The following PCDH9 variants were observed in gnomAD, a reference collection of about 807,000 sequenced individuals.
PCDH9 encodes protocadherin-9.
PCDH9 carries 24 observed loss-of-function variants against 70.6 expected under a neutral mutation model. The ratio of observed to expected loss-of-function variants is 0.34; its 90% CI spans 0.25 to 0.48. The LOEUF (loss-of-function observed/expected upper bound fraction) is 0.48, where lower values mean the gene tolerates loss of function less well. Among genes scored for constraint, PCDH9 ranks in the 20% least tolerant of loss-of-function variants. PCDH9 has a pLI of 0.99. For missense variants in PCDH9, 1,281 were observed against 1,503.6 expected (o/e 0.85, Z 2.45); for synonymous variants, 562 against 558.5 (o/e 1.01, Z -0.09).
intron 4 of PCDH9, among the ~76,000 whole-genome samples, chr13:66,455,278 AT>A (rs2138438034): frequency 1.3e-5 from 2 of 151,574 alleles, no homozygotes; most frequent in East Asian, 3.9e-4. Context: ...TGTTATATAT[AT>A]ATTTATTATA....
chr13:66,460,019 T>C (rs1036600987), intron 4 of PCDH9, among the ~76,000 whole-genome samples: 8 of 151,894 alleles, frequency 5.3e-5, no homozygotes, highest in African/African-American at 1.9e-4. Flanking sequence ...AACAAGAAAC[T>C]AACATGAAAT....
At chr13:66,504,892 C>T (rs1415089806) in intron 4 of PCDH9, among the ~76,000 whole-genome samples, 1 of 152,164 alleles carries the variant, frequency 6.6e-6, no homozygotes, top group African/African-American at 2.4e-5. Context: ...ACAAATCACA[C>T]TCCTCAATGG....
At chr13:66,902,641 AT>A (rs1376772796) in intron 3 of PCDH9, among the ~76,000 whole-genome samples, 1 of 151,778 alleles carries the variant, frequency 6.6e-6, no homozygotes, top group Non-Finnish European at 1.5e-5. Flanking sequence ...CTGTAAAAAA[AT>A]ACGTGAAACA....
At chr13:66,739,938 A>G (rs959822579) in intron 3 of PCDH9, among the ~76,000 whole-genome samples, 13 of 150,274 alleles carry the variant, frequency 8.7e-5, no homozygotes, top group African/African-American at 3.2e-4. Context: ...TCAACGAGAC[A>G]GAAAGTCAAC....
intron 3 of PCDH9, among the ~76,000 whole-genome samples, chr13:66,764,478 G>A (rs9571655): frequency 0.078 from 11,900 of 151,918 alleles, 518 homozygotes; most frequent in East Asian, 0.14. Context: ...CTCAAAACAA[G>A]CATAGATCAT....
chr13:66,846,517 CTG>C (rs1401712198), intron 3 of PCDH9, among the ~76,000 whole-genome samples: 2 of 151,956 alleles, frequency 1.3e-5, no homozygotes, highest in Non-Finnish European at 2.9e-5. Flanking sequence ...TTTTTAAAAA[CTG>C]TATTTTTAGG....
chr13:66,770,629 T>C (rs2079792298), intron 3 of PCDH9, among the ~76,000 whole-genome samples: 1 of 152,162 alleles, frequency 6.6e-6, no homozygotes, highest in Admixed American at 6.5e-5. Flanking sequence ...AATACAAGTG[T>C]GAGTAATTAA....
chr13:66,341,952 CACTT>C (rs1291875891), intron 4 of PCDH9, among the ~76,000 whole-genome samples: 6 of 152,176 alleles, frequency 3.9e-5, no homozygotes, highest in African/African-American at 1.4e-4. Context: ...GTGTCCACCT[CACTT>C]AGATTGAAGT....
At chr13:66,713,965 C>T (rs1389279260) in intron 3 of PCDH9, among the ~76,000 whole-genome samples, 2 of 152,006 alleles carry the variant, frequency 1.3e-5, no homozygotes, top group African/African-American at 4.8e-5. Flanking sequence ...TTGAACCCTA[C>T]CCATTTCTTG....
At chr13:66,619,489 A>G (rs1406984960) in intron 4 of PCDH9, among the ~76,000 whole-genome samples, 2 of 152,154 alleles carry the variant, frequency 1.3e-5, no homozygotes, top group Non-Finnish European at 2.9e-5. Flanking sequence ...TTATAGTTCA[A>G]AATTCACCAT....
At chr13:66,558,252 G>T (rs796068182) in intron 4 of PCDH9, among the ~76,000 whole-genome samples, 6 of 152,272 alleles carry the variant, frequency 3.9e-5, no homozygotes, top group African/African-American at 1.4e-4. Context: ...TACATTGAAA[G>T]AAAGTATGTT....
In PCDH9 at chr13:66,492,891, G is replaced by A. The variant is rs1959055300; in HGVS notation, c.3340+138319C>T. 2.0e-5 allele frequency among the ~76,000 whole-genome samples: 3 copies of A among 152,108 alleles called. No individual in the cohort carries two copies. In the South Asian group the frequency reaches 6.2e-4, roughly 32 times the overall value. ...ATTAGATACATTGTTACAAAGAAAA[G>A]GTGAGCAAGCTGGAGCTAAGTGCGA... On this transcript the variant is annotated intron_variant, in intron 4 of 4. Transcript: ENST00000377865.
intron 3 of PCDH9, among the ~76,000 whole-genome samples, chr13:66,803,646 A>G (rs1185059800): frequency 6.6e-6 from 1 of 151,772 alleles, no homozygotes; most frequent in African/African-American, 2.4e-5. Flanking sequence ...CCTCTCCATT[A>G]CTCTAGGGTG....
At chr13:66,538,133 T>C (rs1960785256) in intron 4 of PCDH9, among the ~76,000 whole-genome samples, 1 of 152,116 alleles carries the variant, frequency 6.6e-6, no homozygotes. Flanking sequence ...ATACAAATGT[T>C]TCACTTATAT....
At chr13:66,999,059 T>C (rs1294885732) in intron 2 of PCDH9, among the ~76,000 whole-genome samples, 3 of 152,332 alleles carry the variant, frequency 2.0e-5, no homozygotes, top group South Asian at 2.1e-4. Context: ...TAACAGCCAT[T>C]TCCCTAGCCA....
chr13:66,349,415 A>G (rs1369763407), intron 4 of PCDH9, among the ~76,000 whole-genome samples: 1 of 152,210 alleles, frequency 6.6e-6, no homozygotes, highest in African/African-American at 2.4e-5. Flanking sequence ...ATTATGACAA[A>G]TACATAGAAG....
Position 67,226,161 on chromosome 13 carries a change from G to A in PCDH9, c.2280C>T (p.Tyr760=). Residue 760 remains tyrosine (Y), a synonymous_variant, in exon 2 of 5, where the codon TAC becomes TAT. Transcript: ENST00000377865. The surrounding 1 kb of genome is among the most constrained non-coding windows in gnomAD (Gnocchi z 5.0). ...GCACAAGCGTGTGCAAAGACTTAGG[G>A]TACCCCAGGTCACTTATGTTGACCA... ...RLVVNISDLG[Y]PKSLHTLVLV... 2 of 1,614,120 alleles carry A rather than the reference G, an allele frequency of 1.2e-6. No individual in the cohort carries two copies. The highest frequency in any genetic ancestry group is 1.7e-6 in the Non-Finnish European group (2 of 1,180,018).
chr13:66,856,916 G>A (rs868137796), intron 3 of PCDH9, among the ~76,000 whole-genome samples: 15 of 151,744 alleles, frequency 9.9e-5, no homozygotes, highest in Middle Eastern at 3.4e-3. Context: ...TTGTAGGTGG[G>A]GCATACACTA....
At chr13:67,228,815 G>A (rs2089945118) in intron 1 of PCDH9, among the ~76,000 whole-genome samples, 1 of 152,050 alleles carries the variant, frequency 6.6e-6, no homozygotes, top group Non-Finnish European at 1.5e-5. Flanking sequence ...CTATATTCAC[G>A]CACGTTGTTT....
Sources: allele counts gnomAD v4.1 joint callset (sites outside exome capture counted in the v4.1 genomes callset), GRCh38; gene constraint gnomAD v4.1.1; non-coding constraint Gnocchi (gnomAD v3.1); transcripts MANE v1.5; gene names NCBI Gene and HGNC (gene_info 2026-07-23, HGNC 2026-07-21).